NAV2: variants seen among roughly 807,000 people sequenced by gnomAD.
NAV2 encodes helicase, APC down-regulated 1.
Under a neutral mutation model 223.2 loss-of-function variants are expected in NAV2, and 54 were observed. That is an observed-to-expected ratio of 0.24 (90% CI 0.19 to 0.30). The LOEUF (loss-of-function observed/expected upper bound fraction) is 0.30, where lower values mean the gene tolerates loss of function less well. NAV2 is among the 10% of genes least tolerant of loss of function. The pLI is 1.00. For synonymous variants in NAV2, 1,279 were observed against 1,239.3 expected, an observed-to-expected ratio of 1.03 and a Z score of -0.67; for missense variants, 2,806 against 3,147.5, an observed-to-expected ratio of 0.89 and a Z score of 2.60.
At position 19,868,909 on chromosome 11, in the gene NAV2, T is replaced by G. The variant is rs2062273343; in HGVS notation, c.439-16T>G. 6.2e-7 allele frequency: 1 copy of G among 1,612,828 alleles called. No homozygotes were observed. Among genetic ancestry groups the G allele is most frequent in the Non-Finnish European group, 8.5e-7 (1 of 1,179,154 alleles). On this transcript the variant is annotated splice_polypyrimidine_tract_variant and intron_variant, in intron 3 of 37. Transcript: ENST00000349880. Reference sequence around the variant, plus strand: ...TGAACATTTATTAAGTATATATTGTTGTTTTTCCCTCCTAGATTGAAAACA... The same window carrying G: ...TGAACATTTATTAAGTATATATTGTGGTTTTTCCCTCCTAGATTGAAAACA...
chr11:19,782,750 G>T (rs1444210025), intron 1 of NAV2, among the ~76,000 whole-genome samples: 2 of 152,154 alleles, frequency 1.3e-5, no homozygotes, highest in Non-Finnish European at 2.9e-5. Context: ...TCTAATATAA[G>T]AGCAATAGCC....
At chr11:19,761,654 C>A (rs1350590332) in intron 1 of NAV2, among the ~76,000 whole-genome samples, 1 of 152,194 alleles carries the variant, frequency 6.6e-6, no homozygotes, top group Non-Finnish European at 1.5e-5. Context: ...GCTACTGTAA[C>A]CCCAACTGCG....
intron 1 of NAV2, among the ~76,000 whole-genome samples, chr11:19,377,162 G>A (rs376785586): frequency 1.4e-4 from 21 of 152,266 alleles, no homozygotes; most frequent in African/African-American, 4.8e-4. Flanking sequence ...GAAAGGATTA[G>A]ATCTTTAAAA....
intron 1 of NAV2, among the ~76,000 whole-genome samples, chr11:19,771,129 A>G (rs923895173): frequency 2.0e-5 from 3 of 152,182 alleles, no homozygotes; most frequent in Non-Finnish European, 2.9e-5. Flanking sequence ...AATTATACCA[A>G]TGATAAGCCC....
intron 1 of NAV2, among the ~76,000 whole-genome samples, chr11:19,815,010 C>G (rs897717240): frequency 1.3e-5 from 2 of 151,540 alleles, no homozygotes; most frequent in African/African-American, 4.9e-5. Flanking sequence ...TACAGCTGAC[C>G]TTGGAGTGAT....
chr11:19,942,184 G>A (rs2046460361), intron 8 of NAV2, among the ~76,000 whole-genome samples: 1 of 152,208 alleles, frequency 6.6e-6, no homozygotes, highest in South Asian at 2.1e-4. Flanking sequence ...TGTTCAGGCT[G>A]TGAGTTAGTG....
At chr11:19,390,799 G>C (rs1003817974) in intron 1 of NAV2, among the ~76,000 whole-genome samples, 1 of 152,172 alleles carries the variant, frequency 6.6e-6, no homozygotes, top group African/African-American at 2.4e-5. Context: ...GGAAGAAGAA[G>C]CCAAATGTAC....
chr11:19,903,836 G>A (rs2042644047), intron 6 of NAV2, among the ~76,000 whole-genome samples: 1 of 152,094 alleles, frequency 6.6e-6, no homozygotes, highest in African/African-American at 2.4e-5. Context: ...TTCCAGACAG[G>A]GCCTCCCCAC....
intron 1 of NAV2, among the ~76,000 whole-genome samples, chr11:19,699,332 G>T (rs1231569681): frequency 6.6e-6 from 1 of 152,204 alleles, no homozygotes; most frequent in Admixed American, 6.5e-5. Flanking sequence ...GCAATTAAAT[G>T]GGATGAAGAC....
intron 1 of NAV2, among the ~76,000 whole-genome samples, chr11:19,817,041 C>T (rs1391551382): frequency 6.6e-6 from 1 of 152,128 alleles, no homozygotes; most frequent in Admixed American, 6.5e-5. Flanking sequence ...CCTCATCTCC[C>T]AGGGGAAATC....
chr11:20,092,402 G>T, intron 28 of NAV2, 34 bp downstream of exon 28: 1 of 1,585,052 alleles, frequency 6.3e-7, no homozygotes, highest in Non-Finnish European at 8.6e-7. Flanking sequence ...GGCAGGAATG[G>T]ACCTACAGCT....
intron 1 of NAV2, among the ~76,000 whole-genome samples, chr11:19,690,066 G>A (rs1384649496): frequency 5.9e-5 from 9 of 152,128 alleles, no homozygotes; most frequent in Non-Finnish European, 1.0e-4. Flanking sequence ...CGCCTCCCGG[G>A]TTTAAGTGAT....
intron 1 of NAV2, among the ~76,000 whole-genome samples, chr11:19,526,298 A>G (rs1407198539): frequency 6.6e-6 from 1 of 152,148 alleles, no homozygotes; most frequent in East Asian, 1.9e-4. Flanking sequence ...AGGCCCCACA[A>G]TGTTTTCGTC....
chr11:19,949,120 G>C (rs1260790969), intron 10 of NAV2, 40 bp downstream of exon 10: 5 of 1,537,000 alleles, frequency 3.3e-6, no homozygotes, highest in East Asian at 4.5e-5. Context: ...GAGAGAAAGA[G>C]GGCTTGGCAC....
intron 26 of NAV2, among the ~76,000 whole-genome samples, chr11:20,090,026 G>T (rs752393246): frequency 2.6e-5 from 4 of 152,152 alleles, no homozygotes; most frequent in African/African-American, 7.2e-5. Flanking sequence ...TTCCCTTCTT[G>T]CCCTGAGTGT....
chr11:20,005,807 G>A lies in NAV2; in HGVS notation c.2768+21560G>A, dbSNP rs999562020. Reference sequence around the variant, plus strand: ...CAGAGAAGTGAACTTGCCTGAGGTCGGACAGCTGGGTAAGCTAGAATAATA... The same window carrying A: ...CAGAGAAGTGAACTTGCCTGAGGTCAGACAGCTGGGTAAGCTAGAATAATA... On this transcript the variant is annotated intron_variant, in intron 11 of 37. Transcript: ENST00000349880. Among the ~76,000 whole-genome samples the A allele has an allele frequency of 5.3e-5, 8 of 152,300 alleles. No individual in the cohort carries two copies. The East Asian group carries it at 9.7e-4, about 18-fold the overall frequency.
At position 19,939,673 on chromosome 11, in the gene NAV2, C is replaced by T. The variant is rs2046234386; in HGVS notation, c.2046C>T (p.Asp682=). ...TTTGTGTGTGAAGGTCTCAGACGGA[C>T]ACTGAAGGGAATGTTACTGCCGAGT... The part of the protein sequence containing the change: ...VAPFLYRSQT[D]TEGNVTAESS... The change falls in exon 8 of 38, where the codon GAC becomes GAT. Residue 682 remains aspartate, a synonymous_variant. Transcript: ENST00000349880. 4 of 1,614,018 alleles carry T rather than the reference C, an allele frequency of 2.5e-6. No individual in the cohort carries two copies. The South Asian group carries it at 3.3e-5, about 13-fold the overall frequency.
intron 10 of NAV2, among the ~76,000 whole-genome samples, chr11:19,968,025 C>G (rs1468229343): frequency 6.6e-6 from 1 of 152,066 alleles, no homozygotes; most frequent in Non-Finnish European, 1.5e-5. Context: ...CCCTGCTGCC[C>G]CAGGTTCTGA....
chr11:19,558,401 G>A (rs2044977656), intron 1 of NAV2, among the ~76,000 whole-genome samples: 3 of 152,214 alleles, frequency 2.0e-5, no homozygotes, highest in Admixed American at 2.0e-4. Context: ...TCCAGCACGA[G>A]AGTCAGAATG....
Sources: gnomAD v4.1 joint callset for allele counts (sites outside exome capture counted in the v4.1 genomes callset) on GRCh38, gnomAD v4.1.1 for gene constraint, MANE v1.5 for transcripts, NCBI Gene and HGNC (gene_info 2026-07-23, HGNC 2026-07-21) for gene names.